Variants in HYCC1 observed in about 807,000 individuals in gnomAD.
The protein encoded by HYCC1 is hyccin.
At chr7:22,928,441 A>T in the HYCC1 span, among the ~76,000 whole-genome samples, 1 of 152,116 alleles carries the variant, frequency 6.6e-6, no homozygotes, top group Non-Finnish European at 1.5e-5. Context: ...AAAACCCCAT[A>T]GTCTCAGCCC....
the HYCC1 span, chr7:22,984,043 T>C: frequency 5.8e-6 from 9 of 1,554,320 alleles, no homozygotes; most frequent in Non-Finnish European, 6.2e-6. Flanking sequence ...TTTCTGGTAA[T>C]GTCTAAACAA....
the HYCC1 span, among the ~76,000 whole-genome samples, chr7:22,919,255 G>A: frequency 3.3e-5 from 5 of 152,168 alleles, no homozygotes; most frequent in Admixed American, 6.5e-5. Context: ...GAGGCCAGGC[G>A]CCGTGGCTCA....
At chr7:22,921,378 G>A in the HYCC1 span, among the ~76,000 whole-genome samples, 5 of 152,100 alleles carry the variant, frequency 3.3e-5, no homozygotes, top group Admixed American at 3.3e-4. Context: ...AAGTATCAAG[G>A]TAAAGAAGAA....
At chr7:22,974,811 G>A in the HYCC1 span, among the ~76,000 whole-genome samples, 3 of 152,186 alleles carry the variant, frequency 2.0e-5, no homozygotes, top group African/African-American at 4.8e-5. Context: ...ACCCAGTCAG[G>A]GGGTAATTGA....
the HYCC1 span, among the ~76,000 whole-genome samples, chr7:22,947,880 AGT>A: frequency 1.3e-5 from 2 of 152,136 alleles, no homozygotes. Flanking sequence ...ATTAACAGTA[AGT>A]ATTAATGTGG....
the HYCC1 span, among the ~76,000 whole-genome samples, chr7:22,905,060 G>A: frequency 6.7e-6 from 1 of 149,186 alleles, no homozygotes; most frequent in African/African-American, 2.5e-5. Context: ...AGGAGGGAGG[G>A]GCCACACAGT....
the HYCC1 span, among the ~76,000 whole-genome samples, chr7:22,914,850 C>A: frequency 6.6e-6 from 1 of 152,132 alleles, no homozygotes; most frequent in African/African-American, 2.4e-5. Context: ...ACTCTATAAT[C>A]CTTCTATCAC....
the HYCC1 span, among the ~76,000 whole-genome samples, chr7:22,968,903 T>C: frequency 6.6e-6 from 1 of 152,048 alleles, no homozygotes; most frequent in Admixed American, 6.5e-5. Flanking sequence ...GGAGAATCGC[T>C]TGAACCCAGG....
chr7:22,919,615 AAACT>A, the HYCC1 span, among the ~76,000 whole-genome samples: 1 of 152,188 alleles, frequency 6.6e-6, no homozygotes, highest in African/African-American at 2.4e-5. Flanking sequence ...TAAAAAAAAA[AAACT>A]AATAATGGAA....
chr7:22,984,826 T>C, the HYCC1 span, among the ~76,000 whole-genome samples: 2 of 152,096 alleles, frequency 1.3e-5, no homozygotes, highest in Non-Finnish European at 2.9e-5. Context: ...GAAAAAGATA[T>C]CCACACTACC....
At chr7:22,920,009 G>A in the HYCC1 span, among the ~76,000 whole-genome samples, 16 of 152,154 alleles carry the variant, frequency 1.1e-4, no homozygotes, top group Non-Finnish European at 1.6e-4. Flanking sequence ...ACACATGAGA[G>A]TAAAAATGCT....
chr7:22,897,355 T>C, the HYCC1 span, among the ~76,000 whole-genome samples: 1 of 152,348 alleles, frequency 6.6e-6, no homozygotes, highest in African/African-American at 2.4e-5. Context: ...TTACGTGATC[T>C]GATTTTGTTT....
the HYCC1 span, among the ~76,000 whole-genome samples, chr7:22,895,853 C>T: frequency 1.3e-5 from 2 of 152,192 alleles, no homozygotes; most frequent in African/African-American, 4.8e-5. Flanking sequence ...GGCTGTGAAG[C>T]TGTTTTTATT....
chr7:23,002,182 A>ATATATATAT, the HYCC1 span, among the ~76,000 whole-genome samples: 1 of 129,870 alleles, frequency 7.7e-6, no homozygotes. Flanking sequence ...ATATACATAT[A>ATATATATAT]GTTTGCGGCT....
chr7:22,917,716 G>A, the HYCC1 span, among the ~76,000 whole-genome samples: 1 of 152,150 alleles, frequency 6.6e-6, no homozygotes, highest in Non-Finnish European at 1.5e-5. Context: ...AATCGCCCAA[G>A]CAGTTTCTCA....
chr7:22,976,155 T>G, the HYCC1 span: 1 of 1,061,650 alleles, frequency 9.4e-7, no homozygotes, highest in East Asian at 2.4e-5. Flanking sequence ...TGTACCAGAC[T>G]AGCAATCATA....
At chr7:22,934,709 T>G in the HYCC1 span, 1 of 152,168 alleles carries the variant, frequency 6.6e-6, no homozygotes, top group Non-Finnish European at 1.5e-5. Context: ...TGACACAAGA[T>G]TCCAAGAATC....
At chr7:22,908,244 G>A in the HYCC1 span, among the ~76,000 whole-genome samples, 1 of 152,148 alleles carries the variant, frequency 6.6e-6, no homozygotes, top group Admixed American at 6.5e-5. Context: ...TTTGGAAGAC[G>A]TTGGTGCTCT....
the HYCC1 span, among the ~76,000 whole-genome samples, chr7:23,011,167 C>T: frequency 3.9e-5 from 6 of 152,186 alleles, no homozygotes; most frequent in Admixed American, 6.5e-5. Context: ...AACTTTCAGA[C>T]AATTCTTCTT....
Sources: allele counts gnomAD v4.1 joint callset (sites outside exome capture counted in the v4.1 genomes callset), GRCh38; gene constraint gnomAD v4.1.1; transcripts MANE v1.5; gene names NCBI Gene and HGNC (gene_info 2026-07-23, HGNC 2026-07-21).